Variants in CD36 observed in about 807,000 individuals in gnomAD.
CD36 encodes the protein CD36 molecule (CD36 blood group), also known as platelet glycoprotein 4.
In CD36, 119 loss-of-function variants were observed where a neutral mutation model predicts 55.2. The ratio of observed to expected loss-of-function variants is 2.15; its 90% CI spans 1.86 to 2.51. The LOEUF is 2.51. CD36 is among the 30% of genes most tolerant of loss of function. The pLI is 0.00. For missense variants in CD36, 819 were observed against 555.5 expected, an observed-to-expected ratio of 1.47 and a Z score of -4.77; for synonymous variants, 186 against 193.6, an observed-to-expected ratio of 0.96 and a Z score of 0.33.
intron 3 of CD36, among the ~76,000 whole-genome samples, chr7:80,653,741 T>C (rs951423791): frequency 1.3e-5 from 2 of 152,204 alleles, no homozygotes; most frequent in African/African-American, 2.4e-5. Flanking sequence ...GGACATAACA[T>C]CTTTTGTTTC....
intron 3 of CD36, among the ~76,000 whole-genome samples, chr7:80,651,231 A>C (rs1795587961): frequency 6.6e-6 from 1 of 152,070 alleles, no homozygotes; most frequent in South Asian, 2.1e-4. Context: ...ACCTGGGGCT[A>C]ATCGAGGGTG....
intron 9 of CD36, 61 bp from the exon 10 acceptor site, chr7:80,670,916 A>G: frequency 8.9e-7 from 1 of 1,128,088 alleles, no homozygotes; most frequent in Non-Finnish European, 1.3e-6. Flanking sequence ...ATAAGAAAAA[A>G]TGAATCTCCA....
chr7:80,662,006 C>T (rs1426922106), intron 5 of CD36, among the ~76,000 whole-genome samples: 2 of 152,100 alleles, frequency 1.3e-5, no homozygotes, highest in East Asian at 1.9e-4. Flanking sequence ...GGATGAAGTA[C>T]AATTTCTTCA....
chr7:80,634,807 T>A (rs184359443), upstream of CD36, among the ~76,000 whole-genome samples: 1 of 152,286 alleles, frequency 6.6e-6, no homozygotes, highest in Non-Finnish European at 1.5e-5. Context: ...GTTTATTTTT[T>A]TTTTAGTATG....
chr7:80,673,206 C>A (rs1432348258), intron 12 of CD36, 149 bp from the exon 13 acceptor site: 13 of 526,234 alleles, frequency 2.5e-5, no homozygotes, highest in African/African-American at 1.4e-4. Flanking sequence ...CAAAGGAAGT[C>A]AAAAACAACT....
chr7:80,608,705 A>G (rs1792703633), intron 1 of CD36, among the ~76,000 whole-genome samples: 1 of 152,140 alleles, frequency 6.6e-6, no homozygotes, highest in Admixed American at 6.5e-5. Context: ...TGACAGGACT[A>G]ACTTCACACC....
chr7:80,645,916 T>A (rs780829456), intron 1 of CD36, among the ~76,000 whole-genome samples, 172 bp from the exon 2 acceptor site: 1 of 152,192 alleles, frequency 6.6e-6, no homozygotes, highest in Non-Finnish European at 1.5e-5. Context: ...ATTTTAAAAA[T>A]TCCATGTTTT....
In CD36 at chr7:80,654,129, T is replaced by A. The variant is rs137983237; in HGVS notation, c.121-2411T>A. 7.3e-4 allele frequency among the ~76,000 whole-genome samples: 111 copies of A among 152,284 alleles called. No homozygotes were observed. The South Asian group carries it at 7.9e-3, about 11-fold the overall frequency. On this transcript the variant is annotated intron_variant, in intron 3 of 14. Coordinates refer to ENST00000447544, the MANE Select transcript of CD36 (RefSeq NM_001001548.3). ...GAGATATTTTTTAAGGGAAAAGTGA[T>A]TTGTGGCCTTTAGAAAAAAAGGTCT...
chr7:80,669,587 G>C (rs1226011973), intron 8 of CD36, among the ~76,000 whole-genome samples: 1 of 151,632 alleles, frequency 6.6e-6, no homozygotes, highest in African/African-American at 2.4e-5. Context: ...GATAGCTGAG[G>C]CAGGCCTATC....
rs9282633 is a variant in CD36, at chr7:80,646,970, C to G, written c.120+110C>G. On this transcript the variant is annotated intron_variant, in intron 3 of 14. Transcript: ENST00000447544. ...TTCATGGTAACTGCTAATTTTGTAT[C>G]TTTGACATAAAGGTAATTATGAACC... is the stretch of plus-strand genomic sequence containing the variant. 66 of 1,224,384 alleles carry G rather than the reference C, an allele frequency of 5.4e-5. No individual in the cohort carries two copies. The African/African-American group carries it at 8.2e-4, about 15-fold the overall frequency. The allele number at this position is 1,224,384 out of a possible 1,614,324, so 75.8% of individuals were successfully genotyped here. A position where few individuals can be genotyped will look rare whatever the true frequency, so the allele number is the denominator to read the frequency against.
chr7:80,648,141 A>G (rs928923682), intron 3 of CD36, among the ~76,000 whole-genome samples: 2 of 152,034 alleles, frequency 1.3e-5, no homozygotes, highest in African/African-American at 4.8e-5. Flanking sequence ...TCTTGATAGT[A>G]TTTTTAATAC....
intron 1 of CD36, among the ~76,000 whole-genome samples, chr7:80,645,017 C>A (rs1322226170): frequency 1.2e-5 from 1 of 82,720 alleles, no homozygotes; most frequent in Non-Finnish European, 2.3e-5. Context: ...ATTCTTTCTT[C>A]CAATCTTTTT....
In CD36 at chr7:80,661,121, T is replaced by G. The variant is rs777236393; in HGVS notation, c.340T>G (p.Phe114Val). 6 of 1,614,034 alleles carry G rather than the reference T, an allele frequency of 3.7e-6. No individual in the cohort carries two copies. The highest frequency in any genetic ancestry group is 5.1e-6 in the Non-Finnish European group (6 of 1,179,902). Residue 114 changes from phenylalanine (F) to valine (V), a missense_variant, in exon 5 of 15, where the codon TTC (phenylalanine) becomes GTC (valine). Physicochemically the swap from Phe to Val is conservative, Grantham distance 50. Transcript: ENST00000447544. ...TQDAEDNTVS[F>V]LQPNGAIFEP... ...GGACGCTGAGGACAACACAGTCTCT[T>G]TCCTGCAGCCCAATGGTGCCATCTT...
chr7:80,645,916 T>G (rs780829456), intron 1 of CD36, among the ~76,000 whole-genome samples, 172 bp from the exon 2 acceptor site: 7 of 152,192 alleles, frequency 4.6e-5, no homozygotes, highest in Non-Finnish European at 8.8e-5. Context: ...ATTTTAAAAA[T>G]TCCATGTTTT....
intron 3 of CD36, among the ~76,000 whole-genome samples, chr7:80,656,305 G>A (rs1277390728): frequency 2.0e-5 from 3 of 152,128 alleles, no homozygotes; most frequent in African/African-American, 7.2e-5. Flanking sequence ...ATCAACAGTC[G>A]TGTCTTCAGT....
intron 1 of CD36, among the ~76,000 whole-genome samples, chr7:80,632,416 T>A (rs1004282643): frequency 2.0e-5 from 3 of 152,082 alleles, no homozygotes; most frequent in Admixed American, 2.0e-4. Flanking sequence ...AACGTTTGTG[T>A]GTGTATACAC....
chr7:80,618,049 T>G (rs1014296041), intron 1 of CD36, among the ~76,000 whole-genome samples: 1 of 152,198 alleles, frequency 6.6e-6, no homozygotes, highest in Non-Finnish European at 1.5e-5. Flanking sequence ...ATAAATTTCA[T>G]AAATGCTTTT....
chr7:80,643,101 G>A (rs746989527), intron 1 of CD36, among the ~76,000 whole-genome samples: 12 of 152,102 alleles, frequency 7.9e-5, no homozygotes, highest in Admixed American at 1.3e-4. Flanking sequence ...CCATTGGAGC[G>A]CATGCACTAC....
At chr7:80,636,419 G>A (rs1794406531), upstream of CD36, among the ~76,000 whole-genome samples, 2 of 150,468 alleles carry the variant, frequency 1.3e-5, no homozygotes, top group African/African-American at 4.9e-5. Context: ...GATAAATCTG[G>A]AAAAAGAAGA....
Sources: gnomAD v4.1 joint callset for allele counts (sites outside exome capture counted in the v4.1 genomes callset) on GRCh38, gnomAD v4.1.1 for gene constraint, MANE v1.5 for transcripts, NCBI Gene and HGNC (gene_info 2026-07-23, HGNC 2026-07-21) for gene names.